COL18A1: variants seen among roughly 807,000 people sequenced by gnomAD.
The protein encoded by COL18A1 is collagen alpha-1(XVIII) chain.
A neutral mutation model predicts 168.0 loss-of-function variants in COL18A1; 133 were observed. The ratio of observed to expected loss-of-function variants is 0.79; its 90% CI spans 0.69 to 0.91. COL18A1 has a LOEUF of 0.91. COL18A1 is among the 40% of genes least tolerant of loss of function. The probability of loss-of-function intolerance (pLI) is 0.00; values close to 1 mark genes in which losing one functional copy is unlikely to be tolerated. For synonymous variants in COL18A1, 949 were observed against 809.0 expected (o/e 1.17, Z -2.94); for missense variants, 2,126 against 1,925.4 (o/e 1.10, Z -1.95).
chr21:45,510,247 A>G lies in COL18A1; in HGVS notation c.3679A>G (p.Ile1227Val). ...CCGTGCCGACCGCGCAGCCGTGCCC[A>G]TCGTCAACCTCAAGGTGGGTCAGTC... ...VRRADRAAVP[I>V]VNLKDELLFP... The change falls in exon 40 of 42, where the codon ATC becomes GTC. Residue 1227 changes from isoleucine (I) to valine (V), a missense_variant. Ile to Val is a conservative substitution (Grantham distance 29, BLOSUM62 3). Transcript: ENST00000651438. The G allele has an allele frequency of 3.7e-6, 6 of 1,605,404 alleles. No homozygotes were observed. Among genetic ancestry groups the G allele is most frequent in the Non-Finnish European group, 2.5e-6 (3 of 1,176,660 alleles).
intron 32 of COL18A1, among the ~76,000 whole-genome samples, chr21:45,501,916 C>A (rs36156011): frequency 7.3e-4 from 69 of 94,518 alleles, no homozygotes; most frequent in East Asian, 8.4e-4. Context: ...AGGGGCTCCA[C>A]AGCCGGTCAC....
At chr21:45,497,164 G>T in intron 31 of COL18A1, 72 bp downstream of exon 31, 1 of 1,006,438 alleles carries the variant, frequency 9.9e-7, no homozygotes, top group Non-Finnish European at 1.6e-6. Flanking sequence ...CTTCCTTCCC[G>T]TGCCAGCAGC....
chr21:45,455,597 GC>G (rs1253947671), intron 2 of COL18A1: 1 of 1,613,946 alleles, frequency 6.2e-7, no homozygotes. Flanking sequence ...GGCTGCCCGG[GC>G]CAACCTGCTG....
chr21:45,451,514 A>T (rs898025990), intron 2 of COL18A1, among the ~76,000 whole-genome samples: 1 of 152,170 alleles, frequency 6.6e-6, no homozygotes, highest in Non-Finnish European at 1.5e-5. Flanking sequence ...TTGGCGAGCC[A>T]TGCTCTTCCC....
intron 31 of COL18A1, 91 bp from the exon 32 acceptor site, chr21:45,497,508 C>G: frequency 6.7e-7 from 1 of 1,503,462 alleles, no homozygotes; most frequent in Non-Finnish European, 9.0e-7. Context: ...ATCCAGGCCC[C>G]CAGGCACTAG....
At chr21:45,479,359 G>T (rs1055061619) in intron 9 of COL18A1, among the ~76,000 whole-genome samples, 7 of 146,110 alleles carry the variant, frequency 4.8e-5, no homozygotes, top group African/African-American at 1.8e-4. Flanking sequence ...ACACACACGT[G>T]TGTGCACACA....
At position 45,448,526 on chromosome 21, in the gene COL18A1, C is replaced by T. The variant is rs201517927; in HGVS notation, c.107-19716C>T. ...ATCCATATCCACACATCCGTGTACACGCGCACACGTGTGCTTCTGCATACC... is the reference window on the plus strand; with the variant it reads ...ATCCATATCCACACATCCGTGTACATGCGCACACGTGTGCTTCTGCATACC... On this transcript the variant is annotated intron_variant, in intron 2 of 41. Transcript: ENST00000651438. Among the ~76,000 whole-genome samples, 199 of 152,388 alleles carry T rather than the reference C, an allele frequency of 1.3e-3. 2 individuals are homozygous for T. The East Asian group carries it at 0.017, about 13-fold the overall frequency.
intron 16 of COL18A1, 145 bp from the exon 17 acceptor site, chr21:45,487,302 C>T: frequency 1.0e-6 from 1 of 967,104 alleles, no homozygotes; most frequent in Admixed American, 2.0e-5. Flanking sequence ...ACCAGGTAGA[C>T]AGTCCCCATC....
chr21:45,423,487 G>A lies in COL18A1; in HGVS notation c.106+18014G>A, dbSNP rs528402068. On this transcript the variant is annotated intron_variant, in intron 2 of 41. Coordinates refer to ENST00000651438, the MANE Select transcript of COL18A1 (RefSeq NM_001379500.1). The surrounding 1 kb of genome is among the most constrained non-coding windows in gnomAD (Gnocchi z 4.0). ...TGTGTCCACACACAGCTGGGCGCCC[G>A]CCCCCCGCCCCCCGCCCCCCGGAGG... Among the ~76,000 whole-genome samples, 11 of 121,252 alleles carry A rather than the reference G, an allele frequency of 9.1e-5. No homozygotes were observed. Among genetic ancestry groups the A allele is most frequent in the Admixed American group, 1.6e-4 (2 of 12,418 alleles). The allele number at this position is 121,252 out of a possible 152,430, so 79.5% of individuals were successfully genotyped here.
rs952659015 is a variant in COL18A1, at chr21:45,457,832, G to C, written c.107-10410G>C. On this transcript the variant is annotated intron_variant, in intron 2 of 41. Transcript: ENST00000651438. This position sits in a 1 kb window ranked among gnomAD's most constrained non-coding sequence, Gnocchi z 4.6. ...TTTGGGCTTTGGGACAGGGTTGGTGGGGGTTAGCAGCTGTGCCGGACCTGG... is the reference window on the plus strand; with the variant it reads ...TTTGGGCTTTGGGACAGGGTTGGTGCGGGTTAGCAGCTGTGCCGGACCTGG... Among the ~76,000 whole-genome samples the C allele has an allele frequency of 1.3e-5, 2 of 152,202 alleles. No individual in the cohort carries two copies. Among genetic ancestry groups the C allele is most frequent in the Non-Finnish European group, 2.9e-5 (2 of 68,038 alleles).
At position 45,415,516 on chromosome 21, in the gene COL18A1, C is replaced by T. The variant is rs530478177; in HGVS notation, c.106+10043C>T. Among the ~76,000 whole-genome samples, 32 of 152,274 alleles carry T rather than the reference C, an allele frequency of 2.1e-4. No homozygotes were observed. The South Asian group carries it at 4.8e-3, about 23-fold the overall frequency. On this transcript the variant is annotated intron_variant, in intron 2 of 41. Transcript: ENST00000651438. ...GGGGCAGGACCATGCGCAGGGGCGGCGGAGCGGGGCTGTGAATGGAGCCCC... is the reference window on the plus strand; with the variant it reads ...GGGGCAGGACCATGCGCAGGGGCGGTGGAGCGGGGCTGTGAATGGAGCCCC...
chr21:45,476,712 A>T (rs1472729592), intron 6 of COL18A1, among the ~76,000 whole-genome samples: 1 of 148,478 alleles, frequency 6.7e-6, no homozygotes, highest in Admixed American at 6.7e-5. Context: ...TGTGATGTGT[A>T]TGTAGTGTGT....
At position 45,458,584 on chromosome 21, in the gene COL18A1, A is replaced by G. The variant is rs903158813; in HGVS notation, c.107-9658A>G. 2.0e-5 allele frequency among the ~76,000 whole-genome samples: 3 copies of G among 152,120 alleles called. No homozygotes were observed. In the East Asian group the frequency reaches 5.8e-4, roughly 29 times the overall value. On this transcript the variant is annotated intron_variant, in intron 2 of 41. Transcript: ENST00000651438. ...GGCAACCCCCCCGGAGCCACACCCCACCTGGCTACTGTTCCCCACCAAGCA... is the reference window on the plus strand; with the variant it reads ...GGCAACCCCCCCGGAGCCACACCCCGCCTGGCTACTGTTCCCCACCAAGCA...
intron 2 of COL18A1, among the ~76,000 whole-genome samples, chr21:45,412,248 T>C (rs1487071936): frequency 6.6e-6 from 1 of 150,962 alleles, no homozygotes; most frequent in Admixed American, 6.6e-5. Context: ...TTTTTTTTTT[T>C]TTTTTCGAGA....
intron 2 of COL18A1, among the ~76,000 whole-genome samples, chr21:45,448,510 C>T (rs568033554): frequency 1.2e-4 from 18 of 152,366 alleles, no homozygotes; most frequent in African/African-American, 4.3e-4. Context: ...TATCCATATC[C>T]ACACATCCGT....
At position 45,512,463 on chromosome 21, in the gene COL18A1, G is replaced by A. The variant is rs1228915082; in HGVS notation, c.*65G>A. 3 of 1,512,860 alleles carry A rather than the reference G, an allele frequency of 2.0e-6. No individual in the cohort carries two copies. In the African/African-American group the frequency reaches 4.1e-5, roughly 21 times the overall value. The allele number at this position is 1,512,860 out of a possible 1,614,324, so 93.7% of individuals were successfully genotyped here. ...TCGGAGGAAGCCCCCACCGTGGGCA[G>A]GGAGCGGCCGGCCAGCCCCTGGCCC... On this transcript the variant is annotated 3_prime_UTR_variant, in exon 42 of 42. Coordinates refer to ENST00000651438, the MANE Select transcript of COL18A1 (RefSeq NM_001379500.1).
At chr21:45,407,098 C>T (rs527666165) in intron 2 of COL18A1, among the ~76,000 whole-genome samples, 7 of 152,182 alleles carry the variant, frequency 4.6e-5, no homozygotes, top group Non-Finnish European at 8.8e-5. Context: ...TCCCCCAGCC[C>T]GGAGAGAACT....
intron 41 of COL18A1, among the ~76,000 whole-genome samples, chr21:45,511,491 T>C (rs1334459424): frequency 2.6e-5 from 4 of 152,134 alleles, no homozygotes; most frequent in Non-Finnish European, 4.4e-5. Flanking sequence ...ATAGACTCCA[T>C]GTCTCCCGGA....
At chr21:45,468,180 G>A (rs751555816) in intron 2 of COL18A1, 62 bp from the exon 3 acceptor site, 68 of 1,583,680 alleles carry the variant, frequency 4.3e-5, no homozygotes, top group Admixed American at 2.0e-4. Flanking sequence ...TCTCCAGGCC[G>A]CGTCGGTGGC....
Sources: gnomAD v4.1 joint callset for allele counts (sites outside exome capture counted in the v4.1 genomes callset) on GRCh38, gnomAD v4.1.1 for gene constraint, Gnocchi (gnomAD v3.1) non-coding constraint, MANE v1.5 for transcripts, NCBI Gene and HGNC (gene_info 2026-07-23, HGNC 2026-07-21) for gene names.